The following SYN3 variants were observed in gnomAD, a reference collection of about 807,000 sequenced individuals.
The protein encoded by SYN3 is synapsin-3.
In SYN3, 35 loss-of-function variants were observed where a neutral mutation model predicts 65.8. The observed-to-expected ratio is 0.53, with a 90% confidence interval of 0.41 to 0.70. The LOEUF is 0.70. Ranked by LOEUF, SYN3 falls within the 30% of genes least tolerant of loss-of-function variation. The probability of loss-of-function intolerance (pLI) is 0.00; values close to 1 mark genes in which losing one functional copy is unlikely to be tolerated. For missense variants in SYN3, 680 were observed against 749.0 expected (o/e 0.91, Z 1.08); for synonymous variants, 270 against 292.9 (o/e 0.92, Z 0.80).
At chr22:32,727,685 G>A (rs190501950) in intron 6 of SYN3, among the ~76,000 whole-genome samples, 260 of 152,268 alleles carry the variant, frequency 1.7e-3, no homozygotes, top group African/African-American at 4.4e-3. Flanking sequence ...TCTGAGTGGC[G>A]TGAGATGGCA....
chr22:32,569,629 T>C (rs2058732857), intron 7 of SYN3, among the ~76,000 whole-genome samples: 1 of 151,286 alleles, frequency 6.6e-6, no homozygotes, highest in African/African-American at 2.4e-5. Context: ...TATTATTGCA[T>C]GCATAAGAGT....
intron 4 of SYN3, among the ~76,000 whole-genome samples, chr22:32,925,222 C>G (rs1271481388): frequency 3.3e-5 from 5 of 152,194 alleles, no homozygotes; most frequent in Non-Finnish European, 7.3e-5. Context: ...TCTCTGCTTC[C>G]AACATCACAG....
chr22:32,517,325 G>A (rs1017660853), intron 13 of SYN3, among the ~76,000 whole-genome samples: 2 of 152,150 alleles, frequency 1.3e-5, no homozygotes, highest in African/African-American at 4.8e-5. Flanking sequence ...AGAAAGCTCG[G>A]CTTAGCCTTG....
intron 6 of SYN3, among the ~76,000 whole-genome samples, chr22:32,673,392 G>A (rs1382870955): frequency 2.0e-5 from 3 of 152,250 alleles, no homozygotes; most frequent in Non-Finnish European, 4.4e-5. Context: ...CCTCCCCACT[G>A]TGGGTCTTGA....
At chr22:32,656,817 G>A (rs1245805949) in intron 6 of SYN3, among the ~76,000 whole-genome samples, 2 of 152,204 alleles carry the variant, frequency 1.3e-5, no homozygotes, top group Non-Finnish European at 2.9e-5. Context: ...ATGTAGGGAC[G>A]TCCATACCAG....
chr22:32,649,659 C>A (rs976928539), intron 6 of SYN3, among the ~76,000 whole-genome samples: 1 of 152,150 alleles, frequency 6.6e-6, no homozygotes, highest in East Asian at 1.9e-4. Context: ...CTGGTCCCAT[C>A]TAGAGTCATC....
intron 6 of SYN3, among the ~76,000 whole-genome samples, chr22:32,749,427 G>A (rs943575843): frequency 1.3e-5 from 2 of 151,928 alleles, no homozygotes; most frequent in African/African-American, 4.8e-5. Context: ...GAATCGTGAG[G>A]TCAGGAGTTC....
In SYN3 at chr22:32,980,740, G is replaced by C. The variant is rs555463465; in HGVS notation, c.312-38C>G. The stretch of plus-strand genomic sequence containing the variant: ...AGAAATCAGCTGAGTAAGGATGCAG[G>C]CTGTTTTACTCTTTTCTCCCTTCTC... On this transcript the variant is annotated intron_variant, in intron 2 of 13. Transcript: ENST00000358763. 3 of 1,597,604 alleles carry C rather than the reference G, an allele frequency of 1.9e-6. No homozygotes were observed. The South Asian group carries it at 3.3e-5, about 18-fold the overall frequency.
At chr22:33,001,136 T>C (rs556467627) in intron 2 of SYN3, among the ~76,000 whole-genome samples, 2 of 152,198 alleles carry the variant, frequency 1.3e-5, no homozygotes, top group Non-Finnish European at 2.9e-5. Context: ...CTTAGTTTCT[T>C]ACTTCTCCCC....
chr22:32,734,810 C>A (rs2061317155), intron 6 of SYN3, among the ~76,000 whole-genome samples: 3 of 152,194 alleles, frequency 2.0e-5, no homozygotes, highest in Admixed American at 2.0e-4. Flanking sequence ...TACCTGTTAT[C>A]CAGGAGTCCT....
intron 7 of SYN3, among the ~76,000 whole-genome samples, chr22:32,550,438 A>T (rs1352892013): frequency 6.6e-6 from 1 of 151,940 alleles, no homozygotes; most frequent in African/African-American, 2.4e-5. Context: ...ATTTTTTAAA[A>T]CTGCTAAGAA....
chr22:32,806,083 G>A (rs2046727387), intron 6 of SYN3, among the ~76,000 whole-genome samples: 1 of 151,736 alleles, frequency 6.6e-6, no homozygotes, highest in South Asian at 2.1e-4. Context: ...GGAGAAGTAA[G>A]GTTAATAGAG....
intron 6 of SYN3, among the ~76,000 whole-genome samples, chr22:32,661,398 T>G (rs2060214366): frequency 6.6e-6 from 1 of 152,254 alleles, no homozygotes; most frequent in Admixed American, 6.5e-5. Flanking sequence ...AGGAAGTGAT[T>G]CAGAAACCAT....
At chr22:32,717,452 G>A (rs1464538329) in intron 6 of SYN3, among the ~76,000 whole-genome samples, 1 of 152,184 alleles carries the variant, frequency 6.6e-6, no homozygotes, top group East Asian at 1.9e-4. Context: ...GAGCAGTGAG[G>A]GCTGTGCATG....
chr22:33,013,835 C>T (rs1051628429), intron 1 of SYN3, among the ~76,000 whole-genome samples: 2 of 152,142 alleles, frequency 1.3e-5, no homozygotes, highest in African/African-American at 4.8e-5. Context: ...TCTTTCTGTC[C>T]CTGGCTTATC....
At chr22:32,807,396 T>TATATATTATATATA (rs1430462684) in intron 6 of SYN3, among the ~76,000 whole-genome samples, 91 of 105,584 alleles carry the variant, frequency 8.6e-4, no homozygotes, top group Middle Eastern at 4.1e-3. Context: ...TTATATATAA[T>TATATATTATATATA]ATATATATAT....
rs1427689454 is a variant in SYN3 at position 32,801,268 on chromosome 22, G to C, written c.711+63647C>G. Among the ~76,000 whole-genome samples, 1 of 152,242 alleles carries C rather than the reference G, an allele frequency of 6.6e-6. No homozygotes were observed. The highest frequency in any genetic ancestry group is 6.5e-5 in the Admixed American group (1 of 15,288). On this transcript the variant is annotated intron_variant, in intron 6 of 13. Transcript: ENST00000358763. The surrounding 1 kb of genome is among the most constrained non-coding windows in gnomAD (Gnocchi z 4.7). ...GGTAGCAGTTAGCATTCCCCCGCTG[G>C]TTCCACCAAGCACAGTCAAGGTCTC...
rs374591413 is a variant in SYN3, at chr22:32,820,269, C to CGTGTGTGT, written c.711+44638_711+44645dup. ...GTGTGTGTGTGTGTGTGTGCGTGCG[C>CGTGTGTGT]GTGTGTGTGTGTGTGTGTGGTGTGT... On this transcript the variant is annotated intron_variant, in intron 6 of 13. Coordinates refer to ENST00000358763, the MANE Select transcript of SYN3 (RefSeq NM_003490.4). 4.2e-4 allele frequency among the ~76,000 whole-genome samples: 61 copies of CGTGTGTGT among 145,006 alleles called. No homozygotes were observed. The East Asian group carries it at 0.01, about 24-fold the overall frequency.
intron 2 of SYN3, among the ~76,000 whole-genome samples, chr22:32,985,442 G>C (rs1017689245): frequency 6.6e-6 from 1 of 152,180 alleles, no homozygotes; most frequent in Non-Finnish European, 1.5e-5. Context: ...GGGGAAAAGA[G>C]GTGGCCTTGG....
Sources: gnomAD v4.1 joint callset for allele counts (sites outside exome capture counted in the v4.1 genomes callset) on GRCh38, gnomAD v4.1.1 for gene constraint, Gnocchi (gnomAD v3.1) non-coding constraint, MANE v1.5 for transcripts, NCBI Gene and HGNC (gene_info 2026-07-23, HGNC 2026-07-21) for gene names.